Variants in COL24A1 observed in about 807,000 individuals in gnomAD.
COL24A1 encodes collagen type XXIV alpha 1 chain.
Under a neutral mutation model 253.9 loss-of-function variants are expected in COL24A1, and 224 were observed. That is an observed-to-expected ratio of 0.88 (90% confidence interval 0.79 to 0.99). The LOEUF (loss-of-function observed/expected upper bound fraction) is 0.99, where lower values mean the gene tolerates loss of function less well. Ranked by LOEUF, COL24A1 falls within the 50% of genes least tolerant of loss-of-function variation. COL24A1 has a pLI of 0.00. For missense variants in COL24A1, 2,131 were observed against 2,068.5 expected, an observed-to-expected ratio of 1.03 and a Z score of -0.59; for synonymous variants, 685 against 673.7, an observed-to-expected ratio of 1.02 and a Z score of -0.26.
chr1:86,011,967 C>T (rs1696528608), intron 19 of COL24A1, among the ~76,000 whole-genome samples: 1 of 152,000 alleles, frequency 6.6e-6, no homozygotes, highest in African/African-American at 2.4e-5. Flanking sequence ...TTGAGATTGG[C>T]CCTGGCAATC....
intron 47 of COL24A1, among the ~76,000 whole-genome samples, chr1:85,799,545 T>A (rs1671212430): frequency 6.6e-6 from 1 of 152,180 alleles, no homozygotes; most frequent in South Asian, 2.1e-4. Context: ...GAAATCACTT[T>A]CCCTAATGCC....
In COL24A1 at chr1:85,742,137, C is replaced by CTT. The variant is rs67922956; in HGVS notation, c.4672+2527_4672+2528dup. ...AGTTTTTAGACCTCATTTCTTTTTTCTTTTTTTTTCTTTTGAGACAGAGTC... is the reference window on the plus strand; with the variant it reads ...AGTTTTTAGACCTCATTTCTTTTTTCTTTTTTTTTTTCTTTTGAGACAGAGTC... On this transcript the variant is annotated intron_variant, in intron 57 of 59. Coordinates refer to ENST00000370571, the MANE Select transcript of COL24A1 (RefSeq NM_152890.7). 2.5e-3 allele frequency among the ~76,000 whole-genome samples: 354 copies of CTT among 142,256 alleles called. 2 individuals are homozygous for CTT. Among genetic ancestry groups the CTT allele is most frequent in the Middle Eastern group, 3.6e-3 (1 of 274 alleles). 93.3% of individuals were successfully genotyped at this position (142,256 alleles called of 152,430 possible).
rs1246482724 is a variant in COL24A1, at chr1:86,146,170, G to T, written c.70C>A (p.His24Asn). 5.6e-6 allele frequency: 9 copies of T among 1,610,348 alleles called. No individual in the cohort carries two copies. The highest frequency in any genetic ancestry group is 2.2e-5 in the East Asian group (1 of 44,718). ...CCAGCCACACATAGTACAATAAAAT[G>T]AAGAAGTGATTTCCTAGGAAAAGAA... ...SPTAKTKSLLHFIVLCVAGVV... is the reference protein window; with the variant it reads ...SPTAKTKSLLNFIVLCVAGVV... The change falls in exon 2 of 60, where the codon CAT (histidine) becomes AAT (asparagine). Residue 24 changes from histidine to asparagine, a missense_variant. Physicochemically the swap from His to Asn is moderately conservative, Grantham distance 68. Transcript: ENST00000370571.
intron 20 of COL24A1, among the ~76,000 whole-genome samples, chr1:85,981,989 T>A (rs1437751741): frequency 6.6e-6 from 1 of 152,140 alleles, no homozygotes; most frequent in Non-Finnish European, 1.5e-5. Context: ...GCAGCTTTAT[T>A]CACAATAGCC....
intron 24 of COL24A1, among the ~76,000 whole-genome samples, chr1:85,952,436 G>C (rs1690025788): frequency 6.6e-6 from 1 of 152,198 alleles, no homozygotes; most frequent in African/African-American, 2.4e-5. Flanking sequence ...ATATGTGAGA[G>C]CAACACAATT....
intron 19 of COL24A1, among the ~76,000 whole-genome samples, chr1:86,011,935 C>T (rs1696524412): frequency 6.6e-6 from 1 of 152,042 alleles, no homozygotes; most frequent in Admixed American, 6.6e-5. Flanking sequence ...GAGCAACCCC[C>T]AATGATTCTG....
intron 19 of COL24A1, among the ~76,000 whole-genome samples, chr1:86,010,093 A>G (rs1309780134): frequency 6.6e-6 from 1 of 152,230 alleles, no homozygotes; most frequent in Admixed American, 6.5e-5. Flanking sequence ...AGACCTAAAT[A>G]TAAAAAAGGA....
At chr1:86,085,164 A>G (rs774058265) in intron 7 of COL24A1, among the ~76,000 whole-genome samples, 3 of 152,148 alleles carry the variant, frequency 2.0e-5, no homozygotes, top group Non-Finnish European at 2.9e-5. Flanking sequence ...AAGTTTATGA[A>G]GAACTGCATA....
At chr1:85,884,860 T>C (rs1048111389) in intron 32 of COL24A1, among the ~76,000 whole-genome samples, 5 of 152,146 alleles carry the variant, frequency 3.3e-5, no homozygotes, top group Admixed American at 6.5e-5. Context: ...ATCTTTAAAG[T>C]AAGAACCTGT....
chr1:85,865,590 C>T (rs1402002367), intron 37 of COL24A1, among the ~76,000 whole-genome samples: 1 of 152,138 alleles, frequency 6.6e-6, no homozygotes, highest in Non-Finnish European at 1.5e-5. Context: ...TGTATCATTC[C>T]TCTTTGGGAT....
intron 5 of COL24A1, among the ~76,000 whole-genome samples, chr1:86,104,870 G>A (rs1419141059): frequency 2.0e-5 from 3 of 152,236 alleles, no homozygotes; most frequent in East Asian, 1.9e-4. Context: ...CAGCAGCAGC[G>A]GCCGAGTGGC....
intron 24 of COL24A1, among the ~76,000 whole-genome samples, chr1:85,948,328 T>A (rs1485064377): frequency 6.6e-6 from 1 of 151,376 alleles, no homozygotes; most frequent in African/African-American, 2.4e-5. Flanking sequence ...ATCGAGACCA[T>A]CCTGGCTAAC....
chr1:86,028,764 T>A (rs1248159060), intron 14 of COL24A1, among the ~76,000 whole-genome samples: 1 of 152,230 alleles, frequency 6.6e-6, no homozygotes, highest in Non-Finnish European at 1.5e-5. Flanking sequence ...TTATTTTTAC[T>A]GAGTACTTTT....
chr1:85,907,876 G>T (rs753138658), intron 27 of COL24A1, among the ~76,000 whole-genome samples: 12 of 151,564 alleles, frequency 7.9e-5, no homozygotes, highest in Non-Finnish European at 1.6e-4. Context: ...GTAAACTTTA[G>T]TATTTCAAAT....
chr1:85,768,181 T>C (rs1558046414), intron 53 of COL24A1, among the ~76,000 whole-genome samples: 1 of 152,036 alleles, frequency 6.6e-6, no homozygotes, highest in Non-Finnish European at 1.5e-5. Context: ...TTCCTAAGAA[T>C]AGAAAGGAGG....
At chr1:85,786,273 A>G (rs1428257492) in intron 48 of COL24A1, 81 bp downstream of exon 48, 1 of 1,201,766 alleles carries the variant, frequency 8.3e-7, no homozygotes, top group Non-Finnish European at 1.2e-6. Context: ...TAATCTTACC[A>G]TTCTGTGATC....
intron 24 of COL24A1, among the ~76,000 whole-genome samples, chr1:85,921,563 C>A (rs1686499491): frequency 6.6e-6 from 1 of 152,212 alleles, no homozygotes; most frequent in Middle Eastern, 3.2e-3. Flanking sequence ...CAAACTCCAA[C>A]AGACCTGCAG....
chr1:85,820,688 G>A (rs1199604095), intron 45 of COL24A1, among the ~76,000 whole-genome samples: 1 of 152,188 alleles, frequency 6.6e-6, no homozygotes, highest in Non-Finnish European at 1.5e-5. Flanking sequence ...GGATATTTGA[G>A]TGAATGGGGT....
At chr1:86,103,184 C>A (rs1704628625) in intron 5 of COL24A1, among the ~76,000 whole-genome samples, 1 of 151,930 alleles carries the variant, frequency 6.6e-6, no homozygotes, top group Admixed American at 6.6e-5. Flanking sequence ...CTGTTTTGTC[C>A]AAAATTGGGA....
Sources: allele counts gnomAD v4.1 joint callset (sites outside exome capture counted in the v4.1 genomes callset), GRCh38; gene constraint gnomAD v4.1.1; transcripts MANE v1.5; gene names NCBI Gene and HGNC (gene_info 2026-07-23, HGNC 2026-07-21).